Variants in PLEKHA6 observed in about 807,000 individuals in gnomAD.
The protein encoded by PLEKHA6 is pleckstrin homology domain-containing family A member 6.
Under a neutral mutation model 116.7 loss-of-function variants are expected in PLEKHA6, and 60 were observed. The ratio of observed to expected loss-of-function variants is 0.51; its 90% confidence interval spans 0.42 to 0.64. PLEKHA6 has a LOEUF of 0.64. Among genes scored for constraint, PLEKHA6 ranks in the 30% least tolerant of loss-of-function variants. PLEKHA6 has a pLI of 0.00. For synonymous variants in PLEKHA6, 489 were observed against 556.1 expected, an observed-to-expected ratio of 0.88 and a Z score of 1.70; for missense variants, 1,338 against 1,422.7, an observed-to-expected ratio of 0.94 and a Z score of 0.96.
intron 1 of PLEKHA6, among the ~76,000 whole-genome samples, chr1:204,332,135 T>C (rs141389556): frequency 2.6e-4 from 40 of 152,246 alleles, no homozygotes; most frequent in African/African-American, 9.6e-4. Context: ...GAGCCTGCCC[T>C]AGCTCACCCT....
chr1:204,297,619 G>GT (rs902480869), intron 1 of PLEKHA6, among the ~76,000 whole-genome samples: 1 of 151,822 alleles, frequency 6.6e-6, no homozygotes, highest in Admixed American at 6.6e-5. Flanking sequence ...GCAACAGGGG[G>GT]GGTGGGTAAC....
intron 5 of PLEKHA6, 42 bp from the exon 6 acceptor site, chr1:204,265,084 T>C (rs758818097): frequency 2.2e-6 from 3 of 1,334,926 alleles, no homozygotes; most frequent in Non-Finnish European, 1.1e-6. Flanking sequence ...TGTGTGTGTG[T>C]GCAAGCGTGT....
At chr1:204,253,653 C>G (rs1281621212) in intron 9 of PLEKHA6, among the ~76,000 whole-genome samples, 1 of 151,826 alleles carries the variant, frequency 6.6e-6, no homozygotes, top group Non-Finnish European at 1.5e-5. Flanking sequence ...AGTGGGACAC[C>G]CATCTCTACA....
chr1:204,370,099 G>C (rs1202072874), intron 2 of PLEKHA6, among the ~76,000 whole-genome samples: 1 of 152,210 alleles, frequency 6.6e-6, no homozygotes, highest in Non-Finnish European at 1.5e-5. Context: ...AGATCTCTCT[G>C]CCTCCAAAAT....
intron 6 of PLEKHA6, among the ~76,000 whole-genome samples, chr1:204,264,636 C>T (rs1184636751): frequency 6.6e-6 from 1 of 152,174 alleles, no homozygotes; most frequent in African/African-American, 2.4e-5. Flanking sequence ...CATAACTATT[C>T]CTGCCCCAGT....
intron 1 of PLEKHA6, among the ~76,000 whole-genome samples, chr1:204,312,892 T>C: frequency 6.9e-6 from 1 of 145,406 alleles, no homozygotes; most frequent in African/African-American, 2.6e-5. Context: ...TTTTCTTTTT[T>C]TTCTTTTCCT....
At chr1:204,301,906 T>C (rs1670861397) in intron 1 of PLEKHA6, among the ~76,000 whole-genome samples, 1 of 152,196 alleles carries the variant, frequency 6.6e-6, no homozygotes, top group Non-Finnish European at 1.5e-5. Flanking sequence ...CAACCCACTC[T>C]AAGGCACAGT....
chr1:204,371,715 G>A (rs942605922), intron 1 of PLEKHA6: 2 of 152,246 alleles, frequency 1.3e-5, no homozygotes, highest in African/African-American at 4.8e-5. Flanking sequence ...AGACACATGA[G>A]ATGAGAGCAT....
chr1:204,345,255 C>T (rs932813891), intron 1 of PLEKHA6, among the ~76,000 whole-genome samples: 1 of 152,066 alleles, frequency 6.6e-6, no homozygotes, highest in Non-Finnish European at 1.5e-5. Context: ...TATTTTGATA[C>T]AAAAAAGTCC....
chr1:204,331,220 A>G lies in PLEKHA6; in HGVS notation c.-95+28474T>C, dbSNP rs915423194. On this transcript the variant is annotated intron_variant, in intron 1 of 22. Coordinates refer to ENST00000272203, the MANE Select transcript of PLEKHA6 (RefSeq NM_014935.5). ...GTCTCAAAAAAAAAAAAAAAAAAAA[A>G]GGAATGAGCATCTCAGCCAAGCAGC... Among the ~76,000 whole-genome samples, 3 of 146,496 alleles carry G rather than the reference A, an allele frequency of 2.0e-5. No individual in the cohort carries two copies. The South Asian group carries it at 6.6e-4, about 32-fold the overall frequency.
chr1:204,230,253 G>C (rs993082516), intron 18 of PLEKHA6, among the ~76,000 whole-genome samples, 160 bp downstream of exon 18: 7 of 152,224 alleles, frequency 4.6e-5, no homozygotes, highest in Non-Finnish European at 5.9e-5. Context: ...CTCTTCTGCC[G>C]ATGGGGGAGA....
chr1:204,245,789 A>G, intron 13 of PLEKHA6, 63 bp from the exon 14 acceptor site: 1 of 1,206,092 alleles, frequency 8.3e-7, no homozygotes, highest in East Asian at 2.3e-5. Context: ...CCTTTCTCTC[A>G]GCCCAGACCC....
At chr1:204,247,539 C>T in intron 12 of PLEKHA6, 79 bp from the exon 13 acceptor site, 1 of 901,388 alleles carries the variant, frequency 1.1e-6, no homozygotes, top group Non-Finnish European at 1.8e-6. Flanking sequence ...GACCCTGGGG[C>T]CAGGGTACCA....
intron 1 of PLEKHA6, among the ~76,000 whole-genome samples, chr1:204,279,839 A>G (rs1668415427): frequency 6.6e-6 from 1 of 152,186 alleles, no homozygotes; most frequent in Non-Finnish European, 1.5e-5. Context: ...GTACCTTCTA[A>G]CTACATGAAA....
intron 1 of PLEKHA6, chr1:204,280,916 A>C (rs529592988): frequency 4.3e-5 from 26 of 603,866 alleles, no homozygotes; most frequent in East Asian, 1.4e-4. Flanking sequence ...GCCACTTCTC[A>C]TCAGAGGCCC....
intron 1 of PLEKHA6, among the ~76,000 whole-genome samples, chr1:204,353,807 A>G (rs2942135): frequency 0.26 from 39,640 of 152,082 alleles, 9,274 homozygotes; most frequent in African/African-American, 0.63. Flanking sequence ...AACAGGTCTC[A>G]GCACTACGCC....
At chr1:204,276,397 G>A (rs1318247935) in intron 1 of PLEKHA6, among the ~76,000 whole-genome samples, 1 of 152,122 alleles carries the variant, frequency 6.6e-6, no homozygotes, top group Admixed American at 6.5e-5. Flanking sequence ...TAATCACAGG[G>A]GATCTTTGCA....
At chr1:204,297,602 C>G (rs771008402) in intron 1 of PLEKHA6, among the ~76,000 whole-genome samples, 1 of 136,206 alleles carries the variant, frequency 7.3e-6, no homozygotes, top group Non-Finnish European at 1.7e-5. Context: ...CCTCAGTTTC[C>G]TCATCGGCAA....
chr1:204,247,594 G>A (rs1476303684), intron 12 of PLEKHA6, 134 bp from the exon 13 acceptor site: 2 of 594,654 alleles, frequency 3.4e-6, no homozygotes, highest in South Asian at 1.9e-5. Flanking sequence ...GACCGAAGGA[G>A]AGGGGCACCA....
Sources: allele counts gnomAD v4.1 joint callset (sites outside exome capture counted in the v4.1 genomes callset), GRCh38; gene constraint gnomAD v4.1.1; transcripts MANE v1.5; gene names NCBI Gene and HGNC (gene_info 2026-07-23, HGNC 2026-07-21).